Variants in ST6GALNAC3 observed in about 807,000 individuals in gnomAD.
ST6GALNAC3 encodes the protein ST6 N-acetylgalactosaminide alpha-2,6-sialyltransferase 3, also known as alpha-N-acetylgalactosaminide alpha-2,6-sialyltransferase 3.
ST6GALNAC3 carries 25 observed loss-of-function variants against 32.7 expected under a neutral mutation model. The ratio of observed to expected loss-of-function variants is 0.76; its 90% CI spans 0.56 to 1.07. ST6GALNAC3 has a LOEUF of 1.07. ST6GALNAC3 is among the 50% of genes least tolerant of loss of function. The pLI is 0.00. For synonymous variants in ST6GALNAC3, 129 were observed against 133.1 expected, an observed-to-expected ratio of 0.97 and a Z score of 0.21; for missense variants, 355 against 382.4, an observed-to-expected ratio of 0.93 and a Z score of 0.60.
intron 1 of ST6GALNAC3, among the ~76,000 whole-genome samples, chr1:76,168,556 T>C (rs1032617804): frequency 6.6e-6 from 1 of 152,206 alleles, no homozygotes; most frequent in African/African-American, 2.4e-5. Flanking sequence ...TGTCTAATAT[T>C]GTCATTGGGT....
chr1:76,206,656 C>T (rs1427677100), intron 1 of ST6GALNAC3, among the ~76,000 whole-genome samples: 1 of 151,936 alleles, frequency 6.6e-6, no homozygotes, highest in Non-Finnish European at 1.5e-5. Context: ...TCAGGAGAAC[C>T]CGGGAGGTGG....
At chr1:76,342,149 G>A (rs1468365128) in intron 2 of ST6GALNAC3, among the ~76,000 whole-genome samples, 1 of 152,102 alleles carries the variant, frequency 6.6e-6, no homozygotes, top group Non-Finnish European at 1.5e-5. Flanking sequence ...TTGCTATTGT[G>A]AATAGTGCTG....
chr1:76,465,412 T>C (rs368917150), intron 3 of ST6GALNAC3, among the ~76,000 whole-genome samples: 43 of 152,296 alleles, frequency 2.8e-4, no homozygotes, highest in African/African-American at 1.0e-3. Context: ...GATGTCCATC[T>C]GAAAACTGTC....
chr1:76,204,762 T>C (rs1216406687), intron 1 of ST6GALNAC3, among the ~76,000 whole-genome samples: 1 of 152,230 alleles, frequency 6.6e-6, no homozygotes, highest in Non-Finnish European at 1.5e-5. Flanking sequence ...AATCTTCTCT[T>C]AGCCCTTTGG....
chr1:76,515,977 G>A (rs1662145440), intron 3 of ST6GALNAC3, among the ~76,000 whole-genome samples: 1 of 152,148 alleles, frequency 6.6e-6, no homozygotes, highest in Admixed American at 6.6e-5. Flanking sequence ...CTGTCTGTAT[G>A]ATCTGTTCAT....
chr1:76,536,654 C>CAAAAAAAAAAAAA (rs35157329), intron 3 of ST6GALNAC3, among the ~76,000 whole-genome samples: 2 of 57,614 alleles, frequency 3.5e-5, no homozygotes, highest in African/African-American at 6.3e-5. Flanking sequence ...AAATGGAAAG[C>CAAAAAAAAAAAAA]AAAAAAAAAA....
chr1:76,306,678 T>C (rs1661075323), intron 1 of ST6GALNAC3, among the ~76,000 whole-genome samples: 4 of 11,992 alleles, frequency 3.3e-4, no homozygotes, highest in Admixed American at 2.4e-3. Flanking sequence ...GTTTTTTTTT[T>C]TGGGGGGCGG....
At chr1:76,421,239 T>C (rs1227370310) in intron 3 of ST6GALNAC3, among the ~76,000 whole-genome samples, 1 of 152,048 alleles carries the variant, frequency 6.6e-6, no homozygotes, top group Non-Finnish European at 1.5e-5. Context: ...AGTTCTAGGA[T>C]TGGATTTTGA....
chr1:76,127,143 A>G (rs931120523), intron 1 of ST6GALNAC3, among the ~76,000 whole-genome samples: 1 of 152,210 alleles, frequency 6.6e-6, no homozygotes, highest in Non-Finnish European at 1.5e-5. Flanking sequence ...TGTGAAATGC[A>G]TGTCCTCAAA....
At chr1:76,254,662 C>G (rs993879761) in intron 1 of ST6GALNAC3, among the ~76,000 whole-genome samples, 5 of 151,832 alleles carry the variant, frequency 3.3e-5, no homozygotes, top group African/African-American at 1.2e-4. Flanking sequence ...ATGCCACTAT[C>G]TGCCTGTGAA....
At chr1:76,376,077 G>A (rs546236330) in intron 2 of ST6GALNAC3, among the ~76,000 whole-genome samples, 2 of 150,940 alleles carry the variant, frequency 1.3e-5, no homozygotes, top group South Asian at 4.2e-4. Context: ...ACTTTTTAGT[G>A]TATATTTCCT....
intron 1 of ST6GALNAC3, among the ~76,000 whole-genome samples, chr1:76,088,545 C>T (rs1269710942): frequency 6.6e-6 from 1 of 152,046 alleles, no homozygotes; most frequent in Admixed American, 6.6e-5. Flanking sequence ...GAGCCTAAGT[C>T]CATCGTGCTG....
rs1338929522 is a variant in ST6GALNAC3, at chr1:76,477,902, T to G, written c.623+65485T>G. On this transcript the variant is annotated intron_variant, in intron 3 of 4. Coordinates refer to ENST00000328299, the MANE Select transcript of ST6GALNAC3 (RefSeq NM_152996.4). The stretch of plus-strand genomic sequence containing the variant: ...GAGGTGCCTCCAAGGATCTTACTCT[T>G]TCATGGGCTCTGTTCTCGATCACTT... Among the ~76,000 whole-genome samples, 2 of 152,204 alleles carry G rather than the reference T, an allele frequency of 1.3e-5. 1 individual carries two copies. Among genetic ancestry groups the G allele is most frequent in the Non-Finnish European group, 2.9e-5 (2 of 68,030 alleles).
intron 1 of ST6GALNAC3, among the ~76,000 whole-genome samples, chr1:76,111,308 C>G (rs2100803100): frequency 6.6e-6 from 1 of 152,200 alleles, no homozygotes; most frequent in African/African-American, 2.4e-5. Context: ...TAGCCCCACC[C>G]AGAAAACTGT....
intron 3 of ST6GALNAC3, among the ~76,000 whole-genome samples, chr1:76,608,501 G>A (rs1048788822): frequency 6.6e-6 from 1 of 151,976 alleles, no homozygotes; most frequent in Non-Finnish European, 1.5e-5. Context: ...CCCTGGTGAG[G>A]CATGAGGGCA....
At chr1:76,165,100 G>T (rs1652038288) in intron 1 of ST6GALNAC3, among the ~76,000 whole-genome samples, 1 of 152,128 alleles carries the variant, frequency 6.6e-6, no homozygotes, top group Admixed American at 6.5e-5. Flanking sequence ...TTGTTGTACA[G>T]ATTGTTTTGT....
intron 3 of ST6GALNAC3, among the ~76,000 whole-genome samples, chr1:76,601,693 A>G (rs1321766388): frequency 1.3e-5 from 2 of 152,242 alleles, no homozygotes; most frequent in African/African-American, 2.4e-5. Flanking sequence ...TGGCCAAGCC[A>G]GGGTTCAAAG....
At chr1:76,453,924 G>A (rs1657585033) in intron 3 of ST6GALNAC3, among the ~76,000 whole-genome samples, 1 of 152,046 alleles carries the variant, frequency 6.6e-6, no homozygotes, top group Non-Finnish European at 1.5e-5. Flanking sequence ...TCATTTCTTA[G>A]GTCTAGAAGT....
At chr1:76,407,779 A>C (rs192779318) in intron 2 of ST6GALNAC3, among the ~76,000 whole-genome samples, 105 of 152,216 alleles carry the variant, frequency 6.9e-4, no homozygotes, top group Non-Finnish European at 1.3e-3. Flanking sequence ...AAATCTTAAC[A>C]AAGTTCTTGG....
Sources: allele counts gnomAD v4.1 joint callset (sites outside exome capture counted in the v4.1 genomes callset), GRCh38; gene constraint gnomAD v4.1.1; transcripts MANE v1.5; gene names NCBI Gene and HGNC (gene_info 2026-07-23, HGNC 2026-07-21).